Variants in DCBLD2 observed in about 807,000 individuals in gnomAD.
DCBLD2 encodes the protein discoidin, CUB and LCCL domain containing 2, also known as discoidin, CUB and LCCL domain-containing protein 2.
DCBLD2 carries 54 observed loss-of-function variants against 86.8 expected under a neutral mutation model. The ratio of observed to expected loss-of-function variants is 0.62; its 90% confidence interval spans 0.50 to 0.78. The LOEUF (loss-of-function observed/expected upper bound fraction) is 0.78, where lower values mean the gene tolerates loss of function less well. Among genes scored for constraint, DCBLD2 ranks in the 30% least tolerant of loss-of-function variants. The probability of loss-of-function intolerance (pLI) is 0.00; values close to 1 mark genes in which losing one functional copy is unlikely to be tolerated. For synonymous variants in DCBLD2, 354 were observed against 341.3 expected (o/e 1.04, Z -0.41); for missense variants, 908 against 954.2 (o/e 0.95, Z 0.64).
chr3:98,893,414 T>C (rs1478723614), intron 1 of DCBLD2, among the ~76,000 whole-genome samples: 1 of 146,996 alleles, frequency 6.8e-6, no homozygotes, highest in Middle Eastern at 3.2e-3. Flanking sequence ...ATAATAAAGA[T>C]AGGCAAAGCT....
At chr3:98,897,105 C>T (rs1347074536) in intron 1 of DCBLD2, among the ~76,000 whole-genome samples, 1 of 152,132 alleles carries the variant, frequency 6.6e-6, no homozygotes, top group African/African-American at 2.4e-5. Context: ...TGGTATTTTA[C>T]TTATGCCAAT....
chr3:98,867,331 A>C (rs1456838093), intron 2 of DCBLD2, among the ~76,000 whole-genome samples: 1 of 152,150 alleles, frequency 6.6e-6, no homozygotes, highest in Non-Finnish European at 1.5e-5. Context: ...GATTCTTCCT[A>C]TCCATGAGCA....
At chr3:98,837,080 C>T (rs1159622756) in intron 3 of DCBLD2, among the ~76,000 whole-genome samples, 167 of 11,952 alleles carry the variant, frequency 0.014, 4 homozygotes, top group Non-Finnish European at 0.018. Flanking sequence ...CCGGACGGGG[C>T]GGCTGGCCGG....
chr3:98,876,267 G>C (rs957308061), intron 2 of DCBLD2, among the ~76,000 whole-genome samples: 3 of 151,622 alleles, frequency 2.0e-5, no homozygotes, highest in Non-Finnish European at 4.4e-5. Context: ...TGTGCCTGTC[G>C]TCCCAGCTAC....
At chr3:98,874,810 G>A (rs1245499997) in intron 2 of DCBLD2, among the ~76,000 whole-genome samples, 1 of 152,240 alleles carries the variant, frequency 6.6e-6, no homozygotes, top group Non-Finnish European at 1.5e-5. Context: ...GAGGACACAG[G>A]AAGAAGGTGG....
At chr3:98,843,797 T>C (rs1198592146) in intron 3 of DCBLD2, among the ~76,000 whole-genome samples, 2 of 152,172 alleles carry the variant, frequency 1.3e-5, no homozygotes, top group Non-Finnish European at 2.9e-5. Context: ...AGACAATGAA[T>C]GAACATGTGT....
At position 98,857,817 on chromosome 3, in the gene DCBLD2, G is replaced by C. The variant is rs1056374976; in HGVS notation, c.434-8219C>G. On this transcript the variant is annotated intron_variant, in intron 2 of 15. Transcript: ENST00000326840. ...TGGTGTCTTTACAAACCTTGAGCTA[G>C]ATACAGAGTGCCGACTGGTGTATTT... Among the ~76,000 whole-genome samples, 9 of 152,368 alleles carry C rather than the reference G, an allele frequency of 5.9e-5. No individual in the cohort carries two copies. The East Asian group carries it at 1.7e-3, about 29-fold the overall frequency.
chr3:98,841,631 TTGTGTTCTTGAA>T (rs1241254532), intron 3 of DCBLD2, among the ~76,000 whole-genome samples: 6 of 152,226 alleles, frequency 3.9e-5, no homozygotes, highest in Non-Finnish European at 7.4e-5. Flanking sequence ...CAATACTGTT[TTGTGTTCTTGAA>T]TGAATTGAAA....
At chr3:98,822,541 A>G (rs1344037385) in intron 5 of DCBLD2, 128 bp downstream of exon 5, 1 of 1,234,080 alleles carries the variant, frequency 8.1e-7, no homozygotes, top group East Asian at 2.6e-5. Flanking sequence ...AATAAAACAC[A>G]TATGATTAAA....
intron 2 of DCBLD2, among the ~76,000 whole-genome samples, chr3:98,863,789 G>A (rs545891679): frequency 3.7e-4 from 56 of 152,114 alleles, no homozygotes; most frequent in Middle Eastern, 3.4e-3. Flanking sequence ...ATACCATTCA[G>A]GACATAGGCA....
chr3:98,822,194 T>C, intron 6 of DCBLD2, 34 bp downstream of exon 6: 2 of 1,610,694 alleles, frequency 1.2e-6, no homozygotes, highest in Non-Finnish European at 1.7e-6. Context: ...TAATTATATA[T>C]AGCATATATT....
chr3:98,874,898 A>C (rs907677824), intron 2 of DCBLD2, among the ~76,000 whole-genome samples: 2 of 152,150 alleles, frequency 1.3e-5, no homozygotes, highest in Admixed American at 1.3e-4. Flanking sequence ...CTAGCCTCCA[A>C]AACTCTGAGA....
At chr3:98,801,433 GA>G in intron 14 of DCBLD2, 166 bp downstream of exon 14, 1 of 474,130 alleles carries the variant, frequency 2.1e-6, no homozygotes, top group Non-Finnish European at 3.7e-6. Context: ...AATTACAAGA[GA>G]CTTTGCAGAA....
At position 98,849,335 on chromosome 3, in the gene DCBLD2, G is replaced by A. The variant is rs146985435; in HGVS notation, c.571+126C>T. Reference sequence around the variant, plus strand: ...CACCTTATTTGTCAAATTTATATATGTGCTATTAATTGTTCAGTCTTTCTG... The same window carrying A: ...CACCTTATTTGTCAAATTTATATATATGCTATTAATTGTTCAGTCTTTCTG... On this transcript the variant is annotated intron_variant, in intron 3 of 15. Coordinates refer to ENST00000326840, the MANE Select transcript of DCBLD2 (RefSeq NM_080927.4). 37 of 1,165,680 alleles carry A rather than the reference G, an allele frequency of 3.2e-5. No homozygotes were observed. In the East Asian group the frequency reaches 8.8e-4, roughly 28 times the overall value. The allele number at this position is 1,165,680 out of a possible 1,614,324, so 72.2% of individuals were successfully genotyped here.
intron 3 of DCBLD2, among the ~76,000 whole-genome samples, chr3:98,838,866 G>A (rs1161200367): frequency 3.9e-5 from 6 of 152,132 alleles, no homozygotes; most frequent in African/African-American, 1.4e-4. Flanking sequence ...CCAACACAGC[G>A]AAACCCCGTC....
At chr3:98,884,901 A>T (rs1052845793) in intron 1 of DCBLD2, among the ~76,000 whole-genome samples, 2 of 152,274 alleles carry the variant, frequency 1.3e-5, no homozygotes, top group East Asian at 1.9e-4. Flanking sequence ...GTTGTCATTT[A>T]AAAATGATTT....
At position 98,796,568 on chromosome 3, in the gene DCBLD2, T is replaced by C. The variant is rs1316738677; in HGVS notation, c.*2804A>G. 1 of 152,604 alleles carries C rather than the reference T, an allele frequency of 6.6e-6. No individual in the cohort carries two copies. Among genetic ancestry groups the C allele is most frequent in the African/African-American group, 2.4e-5 (1 of 41,446 alleles). The allele number at this position is 152,604 out of a possible 1,614,324, so 9.5% of individuals were successfully genotyped here. A position where few individuals can be genotyped will look rare whatever the true frequency, so the allele number is the denominator to read the frequency against. ...TCTTCTGGAGATGGGGAGAGGCAAG[T>C]GTGTATGTGTTGTCATACTTACTGC... On this transcript the variant is annotated 3_prime_UTR_variant, in exon 16 of 16. Transcript: ENST00000326840.
Position 98,800,717 on chromosome 3 carries a change from C to G in DCBLD2, c.1721-1G>C. On this transcript the variant is annotated splice_acceptor_variant, in intron 14 of 15. Coordinates refer to ENST00000326840, the MANE Select transcript of DCBLD2 (RefSeq NM_080927.4). LOFTEE classifies it high-confidence loss of function. ...AACTGCTTCATTCCTTTCCACCAAC[C>G]TTCATTGTGACGGCAAGCCAAAGAG... The G allele has an allele frequency of 3.1e-6, 5 of 1,613,920 alleles. No individual in the cohort carries two copies. Among genetic ancestry groups the G allele is most frequent in the Non-Finnish European group, 4.2e-6 (5 of 1,179,842 alleles).
At chr3:98,884,137 T>C (rs76742004) in intron 1 of DCBLD2, among the ~76,000 whole-genome samples, 16 of 152,244 alleles carry the variant, frequency 1.1e-4, no homozygotes, top group African/African-American at 3.6e-4. Context: ...GTTGAATCCA[T>C]ATTAGTATTG....
Sources: allele counts gnomAD v4.1 joint callset (sites outside exome capture counted in the v4.1 genomes callset), GRCh38; gene constraint gnomAD v4.1.1; transcripts MANE v1.5; gene names NCBI Gene and HGNC (gene_info 2026-07-23, HGNC 2026-07-21).